EXOC4: variants seen among roughly 807,000 people sequenced by gnomAD.
EXOC4 encodes SEC8-like 1.
Under a neutral mutation model 107.2 loss-of-function variants are expected in EXOC4, and 71 were observed. That is an observed-to-expected ratio of 0.66 (90% CI 0.55 to 0.81). The LOEUF is 0.81. EXOC4 is among the 30% of genes least tolerant of loss of function. EXOC4 has a pLI of 0.00. For missense variants in EXOC4, 1,108 were observed against 1,189.6 expected (o/e 0.93, Z 1.01); for synonymous variants, 456 against 441.2 (o/e 1.03, Z -0.42).
intron 10 of EXOC4, among the ~76,000 whole-genome samples, chr7:133,742,811 C>T (rs1056812466): frequency 5.9e-5 from 9 of 152,158 alleles, no homozygotes; most frequent in Admixed American, 5.2e-4. Flanking sequence ...GTGCATCCCC[C>T]TGGAGTTGTT....
rs748463481 is a variant in EXOC4, at chr7:133,630,089, G to A, written c.1462G>A (p.Val488Ile). 2 of 1,613,776 alleles carry A rather than the reference G, an allele frequency of 1.2e-6. No individual in the cohort carries two copies. Among genetic ancestry groups the A allele is most frequent in the African/African-American group, 2.7e-5 (2 of 74,864 alleles). Residue 488 changes from valine (V) to isoleucine (I), a missense_variant, in exon 10 of 18, where the codon GTC becomes ATC. By Grantham distance (29) the Val-to-Ile change is conservative (BLOSUM62 3). Coordinates refer to ENST00000253861, the MANE Select transcript of EXOC4 (RefSeq NM_021807.4). Reference sequence around the variant, plus strand: ...AATTGAAGGTGGAGGAACAAAATTTGTCTGCAAACCTGGAGCCAGAAACAT... The same window carrying A: ...AATTGAAGGTGGAGGAACAAAATTTATCTGCAAACCTGGAGCCAGAAACAT... The part of the protein sequence containing the change: ...NLIEGGGTKF[V>I]CKPGARNITV...
chr7:133,359,242 C>T (rs7808008), intron 6 of EXOC4, among the ~76,000 whole-genome samples: 47,056 of 151,656 alleles, frequency 0.31, 8,388 homozygotes, highest in African/African-American at 0.5. Context: ...TTAAAACTTT[C>T]AAGGAATTAA....
At chr7:133,832,109 A>T (rs935656551) in intron 11 of EXOC4, among the ~76,000 whole-genome samples, 1 of 152,252 alleles carries the variant, frequency 6.6e-6, no homozygotes, top group Non-Finnish European at 1.5e-5. Context: ...CCTTGTGGGA[A>T]ACAACTTTAT....
chr7:134,090,520 G>A, the EXOC4 span, among the ~76,000 whole-genome samples: 1 of 152,128 alleles, frequency 6.6e-6, no homozygotes, highest in Non-Finnish European at 1.5e-5. Context: ...CTTTACAGAG[G>A]AGATAAAAAG....
intron 1 of EXOC4, among the ~76,000 whole-genome samples, chr7:133,263,132 T>G (rs1562993205): frequency 1.3e-5 from 2 of 152,208 alleles, no homozygotes; most frequent in Non-Finnish European, 2.9e-5. Flanking sequence ...GTAAGTCAGT[T>G]AAACCTCTTC....
At chr7:133,873,090 AT>A (rs1798781524) in intron 11 of EXOC4, among the ~76,000 whole-genome samples, 1 of 152,194 alleles carries the variant, frequency 6.6e-6, no homozygotes, top group Non-Finnish European at 1.5e-5. Flanking sequence ...TATGAGGATT[AT>A]TTGAGGCAGG....
chr7:133,718,517 G>A (rs1795042446), intron 10 of EXOC4, among the ~76,000 whole-genome samples: 1 of 152,150 alleles, frequency 6.6e-6, no homozygotes, highest in Non-Finnish European at 1.5e-5. Flanking sequence ...AGGCAACACT[G>A]GGTCAGCTCT....
chr7:133,858,814 T>C (rs1394142274), intron 11 of EXOC4, among the ~76,000 whole-genome samples: 1 of 152,166 alleles, frequency 6.6e-6, no homozygotes, highest in African/African-American at 2.4e-5. Flanking sequence ...ATTAGTCAAA[T>C]CAATGTTACA....
chr7:133,347,135 T>G (rs2150637418), intron 5 of EXOC4, among the ~76,000 whole-genome samples: 1 of 152,250 alleles, frequency 6.6e-6, no homozygotes, highest in Non-Finnish European at 1.5e-5. Context: ...GTATAAATAG[T>G]CTATTTAGCT....
intron 11 of EXOC4, among the ~76,000 whole-genome samples, chr7:133,866,342 A>G (rs1798640506): frequency 6.6e-6 from 1 of 152,092 alleles, no homozygotes; most frequent in Non-Finnish European, 1.5e-5. Context: ...CATTGACTAG[A>G]TGCTCAGGAT....
intron 9 of EXOC4, among the ~76,000 whole-genome samples, chr7:133,503,064 T>A (rs73726914): frequency 0.017 from 2,650 of 152,244 alleles, 80 homozygotes; most frequent in African/African-American, 0.06. Flanking sequence ...ATATGTACTA[T>A]TTATAGATTG....
At chr7:133,755,278 T>G (rs1795886352) in intron 10 of EXOC4, among the ~76,000 whole-genome samples, 1 of 102,956 alleles carries the variant, frequency 9.7e-6, no homozygotes, top group Non-Finnish European at 1.9e-5. Context: ...ATATATTATA[T>G]ATATTATATA....
intron 6 of EXOC4, among the ~76,000 whole-genome samples, chr7:133,362,181 G>A (rs1397300357): frequency 6.6e-6 from 1 of 152,066 alleles, no homozygotes; most frequent in Admixed American, 6.5e-5. Context: ...CATACTTAGA[G>A]CTTCCCTACT....
chr7:133,943,887 A>G (rs2116757386), intron 14 of EXOC4, among the ~76,000 whole-genome samples: 1 of 152,254 alleles, frequency 6.6e-6, no homozygotes, highest in Admixed American at 6.5e-5. Flanking sequence ...CTTTTCTCAC[A>G]ATTCTCAAAG....
At chr7:134,049,702 C>T (rs1228872968) in intron 17 of EXOC4, among the ~76,000 whole-genome samples, 1 of 152,194 alleles carries the variant, frequency 6.6e-6, no homozygotes, top group African/African-American at 2.4e-5. Context: ...TACTTTCACA[C>T]CAGACTCTGC....
intron 14 of EXOC4, among the ~76,000 whole-genome samples, chr7:133,958,996 A>C (rs1800878875): frequency 6.6e-6 from 1 of 152,220 alleles, no homozygotes; most frequent in Non-Finnish European, 1.5e-5. Context: ...TTTCTGAAAA[A>C]TCTGATAAGC....
At chr7:133,716,943 AAAAG>A (rs1396719902) in intron 10 of EXOC4, among the ~76,000 whole-genome samples, 2 of 152,170 alleles carry the variant, frequency 1.3e-5, no homozygotes, top group Non-Finnish European at 2.9e-5. Flanking sequence ...CATCTTAACA[AAAAG>A]AAAAAAAATA....
At chr7:133,489,734 C>T (rs2150872873) in intron 9 of EXOC4, among the ~76,000 whole-genome samples, 1 of 152,148 alleles carries the variant, frequency 6.6e-6, no homozygotes, top group South Asian at 2.1e-4. Context: ...CTTCACTAGG[C>T]CCTCAGGATA....
intron 9 of EXOC4, among the ~76,000 whole-genome samples, chr7:133,583,525 A>T (rs1213994503): frequency 6.6e-6 from 1 of 152,204 alleles, no homozygotes; most frequent in Non-Finnish European, 1.5e-5. Flanking sequence ...GCTGAATCTC[A>T]GAGTACTGGG....
Sources: gnomAD v4.1 joint callset for allele counts (sites outside exome capture counted in the v4.1 genomes callset) on GRCh38, gnomAD v4.1.1 for gene constraint, MANE v1.5 for transcripts, NCBI Gene and HGNC (gene_info 2026-07-23, HGNC 2026-07-21) for gene names.